Variants in DDX42 observed in about 807,000 individuals in gnomAD.
The protein encoded by DDX42 is DEAD-box helicase 42.
DDX42 carries 22 observed loss-of-function variants against 101.5 expected under a neutral mutation model. The ratio of observed to expected loss-of-function variants is 0.22; its 90% CI spans 0.15 to 0.31. The LOEUF (loss-of-function observed/expected upper bound fraction) is 0.31, where lower values mean the gene tolerates loss of function less well. Ranked by LOEUF, DDX42 falls within the 10% of genes least tolerant of loss-of-function variation. The pLI is 1.00. For synonymous variants in DDX42, 402 were observed against 401.2 expected (o/e 1.00, Z -0.02); for missense variants, 849 against 1,199.9 (o/e 0.71, Z 4.32).
intron 3 of DDX42, 52 bp from the exon 4 acceptor site, chr17:63,797,986 T>G: frequency 2.6e-6 from 4 of 1,537,398 alleles, no homozygotes; most frequent in Non-Finnish European, 3.5e-6. Context: ...AAAAATTGTT[T>G]CTTTCAGTGT....
Position 63,807,870 on chromosome 17 carries a change from T to G in DDX42, c.993T>G (p.Ile331Met). ...LEPGDGPIAV[I>M]VCPTRELCQQ... ...CAGGTGATGGACCAATTGCAGTGAT[T>G]GTGTGTCCTACCAGGGAGCTTTGCC... Residue 331 changes from isoleucine (I) to methionine (M), a missense_variant, in exon 9 of 18, where the codon ATT (isoleucine) becomes ATG (methionine). By Grantham distance (10) the Ile-to-Met change is conservative. Around this residue, in one of 5 missense-constraint regions of DDX42, gnomAD observed 370 missense variants for 608.8 expected, o/e 0.61. Coordinates refer to ENST00000389924, the MANE Select transcript of DDX42 (RefSeq NM_203499.3). 6.2e-7 allele frequency: 1 copy of G among 1,613,874 alleles called. No individual in the cohort carries two copies. Among genetic ancestry groups the G allele is most frequent in the African/African-American group, 1.3e-5 (1 of 75,038 alleles).
chr17:63,778,243 A>G (rs2144518639), intron 1 of DDX42, among the ~76,000 whole-genome samples: 1 of 152,362 alleles, frequency 6.6e-6, no homozygotes, highest in Non-Finnish European at 1.5e-5. Context: ...TTTACTAAAC[A>G]GAATCACTTC....
In DDX42 at chr17:63,774,359, C is replaced by T. The variant is rs932572838; in HGVS notation, c.-34C>T. 8.4e-6 allele frequency: 2 copies of T among 239,260 alleles called. No individual in the cohort carries two copies. The highest frequency in any genetic ancestry group is 1.6e-5 in the Non-Finnish European group (2 of 124,234). The allele number at this position is 239,260 out of a possible 1,614,324, so 14.8% of individuals were successfully genotyped here. A position where few individuals can be genotyped will look rare whatever the true frequency, so the allele number is the denominator to read the frequency against. ...GCGCCCGCGGTTGTAGCAGCTGCCG[C>T]TGCAGCCATAGCAGCAGGTTTGTGC... On this transcript the variant is annotated 5_prime_UTR_variant, in exon 1 of 18. Coordinates refer to ENST00000389924, the MANE Select transcript of DDX42 (RefSeq NM_203499.3).
intron 1 of DDX42, among the ~76,000 whole-genome samples, chr17:63,778,608 A>G (rs1446916576): frequency 6.6e-6 from 1 of 151,944 alleles, no homozygotes; most frequent in Non-Finnish European, 1.5e-5. Flanking sequence ...TGACTTAGTG[A>G]TCACTCTAGT....
At chr17:63,785,539 G>C (rs529081948) in intron 1 of DDX42, among the ~76,000 whole-genome samples, 2 of 151,662 alleles carry the variant, frequency 1.3e-5, no homozygotes, top group African/African-American at 2.4e-5. Context: ...ATGTGAGAGG[G>C]GGGGGTCTCT....
At chr17:63,782,352 T>C (rs777648517) in intron 1 of DDX42, among the ~76,000 whole-genome samples, 3 of 152,086 alleles carry the variant, frequency 2.0e-5, no homozygotes, top group Non-Finnish European at 4.4e-5. Flanking sequence ...TTTACATCAG[T>C]AACCTCAAAT....
At chr17:63,780,302 CAAA>C (rs10595007) in intron 1 of DDX42, among the ~76,000 whole-genome samples, 102,048 of 144,980 alleles carry the variant, frequency 0.7, 35,695 homozygotes, top group African/African-American at 0.87. Flanking sequence ...CTCAAAAAAA[CAAA>C]AAAAAAAAAA....
At position 63,774,187 on chromosome 17, in the gene DDX42, A is replaced by G. The variant is rs899789028; in HGVS notation, c.-206A>G. The G allele has an allele frequency of 7.8e-6, 2 of 257,884 alleles. No individual in the cohort carries two copies. Among genetic ancestry groups the G allele is most frequent in the African/African-American group, 2.4e-5 (1 of 41,386 alleles). The allele number at this position is 257,884 out of a possible 1,614,324, so 16.0% of individuals were successfully genotyped here. ...GCGTTTTTGTTCCCCTCCCCCCTTC[A>G]GCAACGGGCCGTGAGGCGGTGGCGG... is the stretch of plus-strand genomic sequence containing the variant. On this transcript the variant is annotated 5_prime_UTR_variant, in exon 1 of 18. Coordinates refer to ENST00000389924, the MANE Select transcript of DDX42 (RefSeq NM_203499.3).
At chr17:63,806,426 T>A (rs1446513460) in intron 7 of DDX42, 109 bp from the exon 8 acceptor site, 1 of 1,277,356 alleles carries the variant, frequency 7.8e-7, no homozygotes, top group Non-Finnish European at 1.0e-6. Flanking sequence ...GACTTGTATT[T>A]TTACTTCATA....
rs575455304 is a variant in DDX42 at position 63,786,336 on chromosome 17, ACTC to A, written c.-16-695_-16-693del. Among the ~76,000 whole-genome samples the A allele has an allele frequency of 3.7e-3, 568 of 151,926 alleles. 1 individual carries two copies. Among genetic ancestry groups the A allele is most frequent in the Non-Finnish European group, 6.7e-3 (456 of 67,942 alleles). On this transcript the variant is annotated intron_variant, in intron 1 of 17. Coordinates refer to ENST00000389924, the MANE Select transcript of DDX42 (RefSeq NM_203499.3). ...GGATCATAGCACACTGTAACCTTGA[ACTC>A]CTGGGCTCAAGCAGTTTACCTGCCT... is the stretch of plus-strand genomic sequence containing the variant.
At chr17:63,817,527 T>TGTGCCA (rs2039990968) in intron 17 of DDX42, 167 bp from the exon 18 acceptor site, 4 of 644,406 alleles carry the variant, frequency 6.2e-6, no homozygotes, top group African/African-American at 1.8e-5. Context: ...AAGTTTTCCT[T>TGTGCCA]TATAGCACAA....
intron 15 of DDX42, among the ~76,000 whole-genome samples, chr17:63,815,169 A>T (rs1720499948): frequency 6.6e-6 from 1 of 152,222 alleles, no homozygotes; most frequent in African/African-American, 2.4e-5. Flanking sequence ...TTCTGAACAT[A>T]CCAGTTGTTT....
chr17:63,806,462 T>A, intron 7 of DDX42, 73 bp from the exon 8 acceptor site: 1 of 1,478,448 alleles, frequency 6.8e-7, no homozygotes, highest in Non-Finnish European at 9.1e-7. Context: ...TAGATCCAGG[T>A]AAGTATTGTT....
At chr17:63,783,678 A>G (rs2039514391) in intron 1 of DDX42, among the ~76,000 whole-genome samples, 1 of 152,182 alleles carries the variant, frequency 6.6e-6, no homozygotes, top group Admixed American at 6.5e-5. Flanking sequence ...AGTCATTCTC[A>G]CTGTTAGAGA....
rs2144597942 is a variant in DDX42 at position 63,818,699 on chromosome 17, C to G, written c.*301C>G. 1 of 321,242 alleles carries G rather than the reference C, an allele frequency of 3.1e-6. No individual in the cohort carries two copies. Among genetic ancestry groups the G allele is most frequent in the South Asian group, 5.0e-5 (1 of 19,968 alleles). The allele number at this position is 321,242 out of a possible 1,614,324, so 19.9% of individuals were successfully genotyped here. On this transcript the variant is annotated 3_prime_UTR_variant, in exon 18 of 18. Coordinates refer to ENST00000389924, the MANE Select transcript of DDX42 (RefSeq NM_203499.3). ...GGTCTTCTAGGGCACAAAACTCACT[C>G]TAGGTTTATATTGTATGTAGCTTAT...
chr17:63,798,242 T>G (rs1408523239), intron 4 of DDX42, 143 bp downstream of exon 4: 1 of 676,844 alleles, frequency 1.5e-6, no homozygotes, highest in East Asian at 2.7e-5. Context: ...TCTTGAATAC[T>G]TTAAGAATAG....
In DDX42 at chr17:63,811,946, G is replaced by A. The variant is rs2039915718; in HGVS notation, c.1413G>A (p.Val471=). ...TTCCTTCTCAGGCAAATGAAGATGT[G>A]ACACAGATTGTGGAGATTCTCCATT... ...QGDIGEANED[V]TQIVEILHSG... is the part of the protein sequence containing the mutation. Residue 471 remains valine, a synonymous_variant, in exon 14 of 18, where the codon GTG becomes GTA. Coordinates refer to ENST00000389924, the MANE Select transcript of DDX42 (RefSeq NM_203499.3). The A allele has an allele frequency of 1.2e-6, 2 of 1,614,250 alleles. No homozygotes were observed. Among genetic ancestry groups the A allele is most frequent in the Non-Finnish European group, 8.5e-7 (1 of 1,180,052 alleles).
intron 14 of DDX42, 75 bp from the exon 15 acceptor site, chr17:63,813,153 C>A: frequency 7.4e-7 from 1 of 1,357,880 alleles, no homozygotes; most frequent in South Asian, 1.4e-5. Context: ...GGCTTATTAG[C>A]ACTAGCATTT....
chr17:63,815,406 A>G (rs553672146), intron 15 of DDX42, among the ~76,000 whole-genome samples, 157 bp from the exon 16 acceptor site: 1 of 152,314 alleles, frequency 6.6e-6, no homozygotes, highest in Admixed American at 6.5e-5. Flanking sequence ...AAGAGAAACC[A>G]ATCTGTGGTT....
Sources: gnomAD v4.1 joint callset for allele counts (sites outside exome capture counted in the v4.1 genomes callset) on GRCh38, gnomAD v4.1.1 for gene constraint, gnomAD v4.1.1 regional missense constraint, MANE v1.5 for transcripts, NCBI Gene and HGNC (gene_info 2026-07-23, HGNC 2026-07-21) for gene names.